PDE4B: variants seen among roughly 807,000 people sequenced by gnomAD.
The protein encoded by PDE4B is phosphodiesterase 4B.
Under a neutral mutation model 82.2 loss-of-function variants are expected in PDE4B, and 20 were observed. The ratio of observed to expected loss-of-function variants is 0.24; its 90% CI spans 0.17 to 0.35. PDE4B has a LOEUF of 0.35. Ranked by LOEUF, PDE4B falls within the 10% of genes least tolerant of loss-of-function variation. PDE4B has a pLI of 1.00. For missense variants in PDE4B, 655 were observed against 907.2 expected (o/e 0.72, Z 3.57); for synonymous variants, 320 against 318.9 (o/e 1.00, Z -0.04).
chr1:66,264,675 G>C (rs1654908155), intron 6 of PDE4B, among the ~76,000 whole-genome samples: 1 of 152,162 alleles, frequency 6.6e-6, no homozygotes, highest in South Asian at 2.1e-4. Context: ...ACGGCTACTA[G>C]GTATGGGTAC....
chr1:65,938,901 AAAG>A (rs1262080206), intron 3 of PDE4B, among the ~76,000 whole-genome samples: 1 of 152,180 alleles, frequency 6.6e-6, no homozygotes, highest in Non-Finnish European at 1.5e-5. Flanking sequence ...AAATGAAATA[AAAG>A]AAGAACACTT....
chr1:66,266,349 C>T (rs781377751), intron 7 of PDE4B, among the ~76,000 whole-genome samples: 33 of 152,148 alleles, frequency 2.2e-4, no homozygotes, highest in Non-Finnish European at 3.2e-4. Context: ...CTGCCTCTTC[C>T]CCAAAGAGGA....
intron 3 of PDE4B, among the ~76,000 whole-genome samples, chr1:66,162,296 T>C (rs974547713): frequency 1.9e-4 from 27 of 139,878 alleles, no homozygotes; most frequent in Admixed American, 8.4e-4. Context: ...GTAAGGTTCA[T>C]GGACTTCTCT....
At chr1:65,907,935 C>A (rs1186735029) in intron 1 of PDE4B, among the ~76,000 whole-genome samples, 1 of 152,102 alleles carries the variant, frequency 6.6e-6, no homozygotes, top group African/African-American at 2.4e-5. Flanking sequence ...GATAGACATA[C>A]ACAAGGGTGG....
chr1:66,116,562 C>T (rs1418011233), intron 3 of PDE4B, among the ~76,000 whole-genome samples: 2 of 152,014 alleles, frequency 1.3e-5, no homozygotes, highest in South Asian at 2.1e-4. Context: ...AGTATAAAGA[C>T]CCCCCCAGCC....
chr1:65,984,496 A>G (rs372593893), intron 3 of PDE4B, among the ~76,000 whole-genome samples: 41 of 152,312 alleles, frequency 2.7e-4, no homozygotes, highest in African/African-American at 9.4e-4. Flanking sequence ...AAAAAGTAAA[A>G]CAAAAGAGAC....
At chr1:66,229,671 A>T (rs1445514795) in intron 3 of PDE4B, among the ~76,000 whole-genome samples, 2 of 152,182 alleles carry the variant, frequency 1.3e-5, no homozygotes, top group Non-Finnish European at 2.9e-5. Context: ...GGCAGTAATG[A>T]TAGAATCTCG....
intron 3 of PDE4B, among the ~76,000 whole-genome samples, chr1:66,192,984 G>T (rs1647961318): frequency 6.6e-6 from 1 of 152,072 alleles, no homozygotes; most frequent in Non-Finnish European, 1.5e-5. Flanking sequence ...ATTAACCCAA[G>T]TTTTTCTGCC....
chr1:66,336,563 G>A (rs181038312), intron 8 of PDE4B, among the ~76,000 whole-genome samples: 31 of 152,312 alleles, frequency 2.0e-4, no homozygotes, highest in Non-Finnish European at 3.5e-4. Flanking sequence ...GTTTGGCTCT[G>A]GGGCTGTTTT....
chr1:66,008,349 A>T (rs900856265), intron 3 of PDE4B, among the ~76,000 whole-genome samples: 2 of 152,036 alleles, frequency 1.3e-5, no homozygotes, highest in African/African-American at 4.8e-5. Flanking sequence ...AGCATTGTCA[A>T]CCACCTGCTT....
At chr1:65,935,750 C>T (rs1317456813) in intron 3 of PDE4B, among the ~76,000 whole-genome samples, 1 of 151,940 alleles carries the variant, frequency 6.6e-6, no homozygotes, top group Non-Finnish European at 1.5e-5. Context: ...GAGACCAGCC[C>T]GACCAATATG....
At chr1:66,317,866 C>T (rs1429026681) in intron 7 of PDE4B, among the ~76,000 whole-genome samples, 2 of 152,104 alleles carry the variant, frequency 1.3e-5, no homozygotes, top group African/African-American at 4.8e-5. Context: ...CATTGTGCTC[C>T]AGCCTGGGTG....
At chr1:66,027,731 GC>G (rs1344509171) in intron 3 of PDE4B, among the ~76,000 whole-genome samples, 2 of 152,136 alleles carry the variant, frequency 1.3e-5, no homozygotes, top group Admixed American at 1.3e-4. Context: ...GGGTTATGGG[GC>G]CCATGCAAGT....
rs141472617 is a variant in PDE4B at position 66,138,348 on chromosome 1, G to A, written c.282-109112G>A. ...AGCCTGGCCAACATGGTGAAATCCC[G>A]TCTCTACTAAAAATACAAAAATTTG... On this transcript the variant is annotated intron_variant, in intron 3 of 16. Coordinates refer to ENST00000341517, the MANE Select transcript of PDE4B (RefSeq NM_002600.4). 7.5e-3 allele frequency among the ~76,000 whole-genome samples: 1,136 copies of A among 152,198 alleles called. 17 individuals are homozygous for A. The highest frequency in any genetic ancestry group is 0.026 in the African/African-American group (1,067 of 41,518).
At position 66,367,821 on chromosome 1, in the gene PDE4B, C is replaced by T. The variant is rs1663358738; in HGVS notation, c.1510C>T (p.Gln504Ter). 1 of 1,613,662 alleles carries T rather than the reference C, an allele frequency of 6.2e-7. No individual in the cohort carries two copies. The highest frequency in any genetic ancestry group is 1.3e-5 in the African/African-American group (1 of 74,912). ...IFMNLTKKQR[Q>*]TLRKMVIDMV... is the part of the protein sequence containing the mutation. ...CATGAATCTCACCAAGAAGCAGCGT[C>T]AGACACTCAGGAAGATGGTTATTGA... Residue 504 changes from glutamine (Q) to a stop codon, truncating the protein, a stop_gained, in exon 14 of 17, where the codon CAG (glutamine) becomes TAG (stop). Coordinates refer to ENST00000341517, the MANE Select transcript of PDE4B (RefSeq NM_002600.4). LOFTEE classifies it high-confidence loss of function.
At chr1:66,083,376 G>A (rs1656841052) in intron 3 of PDE4B, among the ~76,000 whole-genome samples, 1 of 152,056 alleles carries the variant, frequency 6.6e-6, no homozygotes, top group South Asian at 2.1e-4. Context: ...AAAACTGCAT[G>A]CCAGGGACAC....
At chr1:65,981,862 A>G (rs532382598) in intron 3 of PDE4B, among the ~76,000 whole-genome samples, 1 of 152,226 alleles carries the variant, frequency 6.6e-6, no homozygotes, top group South Asian at 2.1e-4. Context: ...AAGGGCTGGA[A>G]CTGATTCTTT....
At chr1:66,134,043 G>GAAA (rs3036787) in intron 3 of PDE4B, among the ~76,000 whole-genome samples, 4 of 148,648 alleles carry the variant, frequency 2.7e-5, no homozygotes, top group African/African-American at 7.4e-5. Flanking sequence ...CACAAAACTG[G>GAAA]AAAAAAAAAA....
chr1:66,351,816 T>C (rs994037749), intron 8 of PDE4B, among the ~76,000 whole-genome samples: 4 of 152,226 alleles, frequency 2.6e-5, no homozygotes, highest in African/African-American at 9.6e-5. Context: ...AGTCAGATGC[T>C]GAAAGCCCAA....
Sources: gnomAD v4.1 joint callset for allele counts (sites outside exome capture counted in the v4.1 genomes callset) on GRCh38, gnomAD v4.1.1 for gene constraint, MANE v1.5 for transcripts, NCBI Gene and HGNC (gene_info 2026-07-23, HGNC 2026-07-21) for gene names.